Variants in FNBP1 observed in about 807,000 individuals in gnomAD.
The protein encoded by FNBP1 is formin binding protein 1.
FNBP1 carries 26 observed loss-of-function variants against 90.6 expected under a neutral mutation model. The ratio of observed to expected loss-of-function variants is 0.29; its 90% CI spans 0.21 to 0.40. FNBP1 has a LOEUF of 0.40. Among genes scored for constraint, FNBP1 ranks in the 10% least tolerant of loss-of-function variants. FNBP1 has a pLI of 1.00. For missense variants in FNBP1, 635 were observed against 768.0 expected, an observed-to-expected ratio of 0.83 and a Z score of 2.05; for synonymous variants, 260 against 265.2, an observed-to-expected ratio of 0.98 and a Z score of 0.19.
rs1403971491 is a variant in FNBP1, at chr9:130,031,324, A to T, written c.24+11628T>A. On this transcript the variant is annotated intron_variant, in intron 1 of 16. Coordinates refer to ENST00000446176, the MANE Select transcript of FNBP1 (RefSeq NM_015033.3). The surrounding 1 kb of genome is among the most constrained non-coding windows in gnomAD (Gnocchi z 4.2). ...CATAGGTACCTGCTTTCAGCAGTTC[A>T]AGGGTATTTCCCATGCTCTCAAGGT... is the stretch of plus-strand genomic sequence containing the variant. 6.6e-6 allele frequency among the ~76,000 whole-genome samples: 1 copy of T among 152,214 alleles called. No individual in the cohort carries two copies. The highest frequency in any genetic ancestry group is 2.4e-5 in the African/African-American group (1 of 41,466).
chr9:129,910,310 G>A (rs1357991385), intron 11 of FNBP1: 9 of 408,168 alleles, frequency 2.2e-5, no homozygotes, highest in Admixed American at 1.2e-4. Flanking sequence ...GTGAAACACC[G>A]TCTCTGCTAA....
At chr9:129,946,870 G>C (rs561540889) in intron 6 of FNBP1, among the ~76,000 whole-genome samples, 58 of 152,322 alleles carry the variant, frequency 3.8e-4, no homozygotes, top group African/African-American at 1.4e-3. Flanking sequence ...CATGCATTTA[G>C]AAAACACTGT....
intron 4 of FNBP1, among the ~76,000 whole-genome samples, chr9:129,974,583 G>C (rs1036645857): frequency 6.6e-6 from 1 of 152,204 alleles, no homozygotes; most frequent in East Asian, 1.9e-4. Flanking sequence ...AAACAGGCCA[G>C]GCATGGGGGT....
chr9:129,983,600 C>T (rs1360308840), intron 2 of FNBP1, among the ~76,000 whole-genome samples: 1 of 152,068 alleles, frequency 6.6e-6, no homozygotes, highest in Non-Finnish European at 1.5e-5. Flanking sequence ...GCAGGTGGAT[C>T]GGGAGTTCGA....
intron 6 of FNBP1, among the ~76,000 whole-genome samples, chr9:129,940,226 C>T (rs187623113): frequency 2.7e-4 from 41 of 151,850 alleles, no homozygotes; most frequent in Non-Finnish European, 3.4e-4. Flanking sequence ...AACAAAACAA[C>T]GACAACAACA....
chr9:129,980,789 T>G (rs2051098879), intron 2 of FNBP1, among the ~76,000 whole-genome samples: 1 of 151,734 alleles, frequency 6.6e-6, no homozygotes, highest in South Asian at 2.1e-4. Context: ...CGGTGGCTCA[T>G]GCCTGTAATC....
intron 1 of FNBP1, among the ~76,000 whole-genome samples, chr9:129,997,542 C>T (rs1446417631): frequency 6.6e-6 from 1 of 152,176 alleles, no homozygotes; most frequent in Non-Finnish European, 1.5e-5. Flanking sequence ...TCACCTTAAA[C>T]TACTTGAGAG....
At chr9:129,976,371 G>C (rs1018402257) in intron 4 of FNBP1, among the ~76,000 whole-genome samples, 1 of 152,156 alleles carries the variant, frequency 6.6e-6, no homozygotes, top group East Asian at 1.9e-4. Flanking sequence ...CTGGAGTAGG[G>C]AGTAAAACTG....
chr9:130,013,786 T>A (rs2056911518), intron 1 of FNBP1: 1 of 451,452 alleles, frequency 2.2e-6, no homozygotes. Context: ...TCCTGAATGG[T>A]TTAATATCAT....
chr9:129,919,791 A>G (rs2040817663), intron 10 of FNBP1, among the ~76,000 whole-genome samples: 1 of 152,236 alleles, frequency 6.6e-6, no homozygotes, highest in African/African-American at 2.4e-5. Context: ...TCTCTCAGGA[A>G]CTTTTTCTAG....
chr9:129,939,433 T>C (rs2044001511), intron 6 of FNBP1, among the ~76,000 whole-genome samples: 1 of 152,092 alleles, frequency 6.6e-6, no homozygotes, highest in Non-Finnish European at 1.5e-5. Flanking sequence ...TGTTATTCAG[T>C]AATATACTGT....
chr9:130,020,879 T>C (rs1206023565), intron 1 of FNBP1, among the ~76,000 whole-genome samples: 3 of 152,160 alleles, frequency 2.0e-5, no homozygotes, highest in African/African-American at 4.8e-5. Flanking sequence ...TAAAATGAGA[T>C]GGCCCCGTTA....
chr9:129,980,989 T>A (rs918958070), intron 2 of FNBP1, among the ~76,000 whole-genome samples: 2 of 150,112 alleles, frequency 1.3e-5, no homozygotes, highest in African/African-American at 4.9e-5. Context: ...AGGCGGAGCT[T>A]GCAGTGAGCT....
At chr9:130,016,055 G>T (rs1227981624) in intron 1 of FNBP1, among the ~76,000 whole-genome samples, 1 of 152,002 alleles carries the variant, frequency 6.6e-6, no homozygotes, top group Non-Finnish European at 1.5e-5. Context: ...TAGAAATTTT[G>T]TATTTATTGT....
chr9:129,981,881 A>G (rs2051317231), intron 2 of FNBP1, among the ~76,000 whole-genome samples: 1 of 152,186 alleles, frequency 6.6e-6, no homozygotes, highest in South Asian at 2.1e-4. Flanking sequence ...AATAGTTTAA[A>G]AGTTATAATT....
intron 10 of FNBP1, among the ~76,000 whole-genome samples, chr9:129,917,505 G>A (rs972342576): frequency 6.6e-6 from 1 of 151,782 alleles, no homozygotes; most frequent in Non-Finnish European, 1.5e-5. Flanking sequence ...GCTAAGTTTT[G>A]TATTTTTTGG....
At chr9:129,919,204 C>A (rs1441764325) in intron 10 of FNBP1, 2 of 1,303,506 alleles carry the variant, frequency 1.5e-6, no homozygotes, top group Non-Finnish European at 2.0e-6. Context: ...TCCCTATCGT[C>A]CTCTTCATGA....
chr9:130,016,028 T>C (rs2057197211), intron 1 of FNBP1, among the ~76,000 whole-genome samples: 1 of 152,238 alleles, frequency 6.6e-6, no homozygotes, highest in Non-Finnish European at 1.5e-5. Flanking sequence ...CTTCTTAATC[T>C]TTGTTCATTC....
chr9:129,946,550 G>A (rs1479658843), intron 6 of FNBP1, among the ~76,000 whole-genome samples: 1 of 152,146 alleles, frequency 6.6e-6, no homozygotes, highest in Non-Finnish European at 1.5e-5. Flanking sequence ...GAATTAGAAT[G>A]AAGAGGCACC....
Sources: gnomAD v4.1 joint callset for allele counts (sites outside exome capture counted in the v4.1 genomes callset) on GRCh38, gnomAD v4.1.1 for gene constraint, Gnocchi (gnomAD v3.1) non-coding constraint, MANE v1.5 for transcripts, NCBI Gene and HGNC (gene_info 2026-07-23, HGNC 2026-07-21) for gene names.